The following LIMK2 variants were observed in gnomAD, a reference collection of about 807,000 sequenced individuals.
The protein encoded by LIMK2 is LIM domain kinase 2.
A neutral mutation model predicts 75.7 loss-of-function variants in LIMK2; 35 were observed. The observed-to-expected ratio is 0.46, with a 90% CI of 0.35 to 0.61. The LOEUF (loss-of-function observed/expected upper bound fraction) is 0.61, where lower values mean the gene tolerates loss of function less well. Ranked by LOEUF, LIMK2 falls within the 20% of genes least tolerant of loss-of-function variation. The pLI, the probability that LIMK2 is intolerant of heterozygous loss-of-function variation, is 0.00. For synonymous variants in LIMK2, 301 were observed against 319.2 expected, an observed-to-expected ratio of 0.94 and a Z score of 0.61; for missense variants, 623 against 831.0, an observed-to-expected ratio of 0.75 and a Z score of 3.08.
chr22:31,266,539 A>AG (rs1002550088), intron 8 of LIMK2, among the ~76,000 whole-genome samples: 25 of 151,728 alleles, frequency 1.6e-4, no homozygotes, highest in Non-Finnish European at 2.9e-4. Context: ...GAGAACTGGG[A>AG]GGGGGGGTCA....
intron 1 of LIMK2, among the ~76,000 whole-genome samples, chr22:31,219,831 C>G (rs1400699001): frequency 6.6e-6 from 1 of 152,316 alleles, no homozygotes; most frequent in African/African-American, 2.4e-5. Flanking sequence ...CTCGGCCTCC[C>G]AAAGTGCTGG....
In LIMK2 at chr22:31,278,831, C is replaced by T. The variant is rs1411355452; in HGVS notation, c.*390C>T. On this transcript the variant is annotated 3_prime_UTR_variant, in exon 16 of 16. Coordinates refer to ENST00000331728, the MANE Select transcript of LIMK2 (RefSeq NM_005569.4). Reference sequence around the variant, plus strand: ...TGGGCAGGATCCCAGGGTGAACCTGCCTGTGAACTCTGAAGTCACTAGTCC... The same window carrying T: ...TGGGCAGGATCCCAGGGTGAACCTGTCTGTGAACTCTGAAGTCACTAGTCC... The T allele has an allele frequency of 1.3e-5, 2 of 159,218 alleles. No homozygotes were observed. The highest frequency in any genetic ancestry group is 6.4e-5 in the Admixed American group (1 of 15,744). The allele number at this position is 159,218 out of a possible 1,614,324, so 9.9% of individuals were successfully genotyped here.
At chr22:31,251,103 G>A (rs1014658008) in intron 2 of LIMK2, among the ~76,000 whole-genome samples, 3 of 152,204 alleles carry the variant, frequency 2.0e-5, no homozygotes, top group Non-Finnish European at 4.4e-5. Flanking sequence ...CCACACTAGC[G>A]TGAGAAGTGA....
intron 1 of LIMK2, among the ~76,000 whole-genome samples, chr22:31,219,818 C>T (rs575498139): frequency 2.4e-4 from 37 of 152,202 alleles, no homozygotes; most frequent in Admixed American, 2.0e-4. Flanking sequence ...GTGATCCACC[C>T]GCCTCGGCCT....
intron 2 of LIMK2, among the ~76,000 whole-genome samples, chr22:31,251,194 T>C (rs2048722341): frequency 6.6e-6 from 1 of 152,252 alleles, no homozygotes; most frequent in African/African-American, 2.4e-5. Context: ...GGAGTGGCTT[T>C]TGTCGGACAT....
intron 2 of LIMK2, among the ~76,000 whole-genome samples, chr22:31,246,211 A>ACACACACACACACACACC: frequency 6.8e-6 from 1 of 147,250 alleles, no homozygotes; most frequent in Non-Finnish European, 1.5e-5. Flanking sequence ...ACACACACAC[A>ACACACACACACACACACC]CACACGCTGG....
At chr22:31,247,747 C>G (rs1465874121) in intron 2 of LIMK2, among the ~76,000 whole-genome samples, 1 of 152,144 alleles carries the variant, frequency 6.6e-6, no homozygotes, top group Non-Finnish European at 1.5e-5. Flanking sequence ...TAATTCCTGT[C>G]TCAGAGAAAT....
intron 2 of LIMK2, among the ~76,000 whole-genome samples, chr22:31,246,772 C>CAAAAAAAAAAAAAAAAAAAAAAA (rs74782124): frequency 8.3e-6 from 1 of 120,292 alleles, no homozygotes; most frequent in Non-Finnish European, 1.8e-5. Context: ...AAAAAAAAAA[C>CAAAAAAAAAAAAAAAAAAAAAAA]AAAAAAAAAA....
Position 31,262,574 on chromosome 22 carries a change from T to C in LIMK2, c.658-21T>C. ...TGGGATGGGGCAGCCTGTGGGAGCTTTATACTGCTCTTGGCCACAGGTGGA... is the reference window on the plus strand; with the variant it reads ...TGGGATGGGGCAGCCTGTGGGAGCTCTATACTGCTCTTGGCCACAGGTGGA... On this transcript the variant is annotated intron_variant, in intron 6 of 15. Coordinates refer to ENST00000331728, the MANE Select transcript of LIMK2 (RefSeq NM_005569.4). The surrounding 1 kb of genome is among the most constrained non-coding windows in gnomAD (Gnocchi z 5.0). 6.3e-7 allele frequency: 1 copy of C among 1,599,538 alleles called. No individual in the cohort carries two copies. The highest frequency in any genetic ancestry group is 8.5e-7 in the Non-Finnish European group (1 of 1,170,610).
chr22:31,268,232 C>T (rs367617616), intron 11 of LIMK2, 32 bp downstream of exon 11: 155 of 1,579,474 alleles, frequency 9.8e-5, no homozygotes, highest in African/African-American at 1.8e-4. Flanking sequence ...GCCAGCAGGG[C>T]GAGAGTAGGG....
At chr22:31,225,878 G>A (rs2048473284) in intron 2 of LIMK2, 59 bp downstream of exon 2, 1 of 1,224,280 alleles carries the variant, frequency 8.2e-7, no homozygotes. Flanking sequence ...ACTATTTCAT[G>A]TTCTGATGGA....
chr22:31,218,675 T>A (rs191697459), intron 1 of LIMK2, among the ~76,000 whole-genome samples: 1 of 152,240 alleles, frequency 6.6e-6, no homozygotes. Context: ...TAAAATGTGA[T>A]CTTTTTCTCT....
rs537811056 is a variant in LIMK2 at position 31,262,019 on chromosome 22, G to T, written c.552-115G>T. 20 of 773,298 alleles carry T rather than the reference G, an allele frequency of 2.6e-5. No individual in the cohort carries two copies. The highest frequency in any genetic ancestry group is 4.5e-5 in the Non-Finnish European group (20 of 440,526). 47.9% of individuals were successfully genotyped at this position (773,298 alleles called of 1,614,324 possible). ...TTGCCTTTCTGTGTGGGTATCCTGG[G>T]CCCCTTAGGGGCCACTGGTGGCCTG... On this transcript the variant is annotated intron_variant, in intron 5 of 15. Transcript: ENST00000331728. The surrounding 1 kb of genome is among the most constrained non-coding windows in gnomAD (Gnocchi z 5.0).
intron 2 of LIMK2, among the ~76,000 whole-genome samples, chr22:31,226,446 A>G (rs1195823593): frequency 2.7e-5 from 1 of 36,510 alleles, no homozygotes; most frequent in East Asian, 1.6e-3. Context: ...CAAATGATGC[A>G]CCCACCTCGA....
intron 2 of LIMK2, among the ~76,000 whole-genome samples, chr22:31,244,123 G>A (rs2048645968): frequency 6.6e-6 from 1 of 152,222 alleles, no homozygotes; most frequent in Non-Finnish European, 1.5e-5. Context: ...AAGAGGAGTA[G>A]GGGGAGAGGA....
chr22:31,253,127 G>A (rs1440014591), intron 2 of LIMK2, among the ~76,000 whole-genome samples: 5 of 152,174 alleles, frequency 3.3e-5, no homozygotes, highest in African/African-American at 7.2e-5. Flanking sequence ...TAGCCTCAGC[G>A]TATGTAGGCC....
intron 9 of LIMK2, 67 bp from the exon 10 acceptor site, chr22:31,267,709 G>A (rs941579062): frequency 9.2e-5 from 139 of 1,515,748 alleles, no homozygotes; most frequent in Non-Finnish European, 1.1e-4. Flanking sequence ...TGATTCCTTG[G>A]AGGGAAGAGG....
chr22:31,215,683 A>G (rs1174860055), intron 1 of LIMK2, among the ~76,000 whole-genome samples: 2 of 152,162 alleles, frequency 1.3e-5, no homozygotes, highest in African/African-American at 4.8e-5. Context: ...GCCTCTGAGA[A>G]ACTTACTGTC....
At chr22:31,277,161 C>T (rs1369618984) in intron 15 of LIMK2, 14 of 1,613,140 alleles carry the variant, frequency 8.7e-6, no homozygotes, top group East Asian at 4.5e-5. Flanking sequence ...CCCAGGCGAA[C>T]GGTGGCTCCC....
Sources: gnomAD v4.1 joint callset for allele counts (sites outside exome capture counted in the v4.1 genomes callset) on GRCh38, gnomAD v4.1.1 for gene constraint, Gnocchi (gnomAD v3.1) non-coding constraint, MANE v1.5 for transcripts, NCBI Gene and HGNC (gene_info 2026-07-23, HGNC 2026-07-21) for gene names.